ANKRD27: variants seen among roughly 807,000 people sequenced by gnomAD.
ANKRD27 encodes ankyrin repeat domain-containing protein 27.
Under a neutral mutation model 129.7 loss-of-function variants are expected in ANKRD27, and 112 were observed. The observed-to-expected ratio is 0.86, with a 90% CI of 0.74 to 1.01. The LOEUF (loss-of-function observed/expected upper bound fraction) is 1.01. Ranked by LOEUF, ANKRD27 falls within the 50% of genes least tolerant of loss-of-function variation. The pLI, the probability that ANKRD27 is intolerant of heterozygous loss-of-function variation, is 0.00. For synonymous variants in ANKRD27, 516 were observed against 511.2 expected, an observed-to-expected ratio of 1.01 and a Z score of -0.13; for missense variants, 1,258 against 1,300.5, an observed-to-expected ratio of 0.97 and a Z score of 0.50.
chr19:32,617,585 T>C lies in ANKRD27; in HGVS notation c.2052+4A>G, dbSNP rs1175945079. 3 of 755,402 alleles carry C rather than the reference T, an allele frequency of 4.0e-6. No individual in the cohort carries two copies. Among genetic ancestry groups the C allele is most frequent in the Non-Finnish European group, 7.3e-6 (3 of 408,974 alleles). The allele number at this position is 755,402 out of a possible 1,614,324, so 46.8% of individuals were successfully genotyped here. A position where few individuals can be genotyped will look rare whatever the true frequency, so the allele number is the denominator to read the frequency against. ...TAAAATAAAAAGCACTTCTAAAAACTCACCATTTCTAGATCTCCATCAGCA... is the reference window on the plus strand; with the variant it reads ...TAAAATAAAAAGCACTTCTAAAAACCCACCATTTCTAGATCTCCATCAGCA... On this transcript the variant is annotated splice_donor_region_variant and intron_variant, in intron 21 of 28. Transcript: ENST00000306065.
intron 25 of ANKRD27, among the ~76,000 whole-genome samples, chr19:32,602,889 A>G (rs1054925749): frequency 2.6e-5 from 4 of 152,040 alleles, no homozygotes; most frequent in African/African-American, 9.7e-5. Flanking sequence ...ACTCTGTCTC[A>G]AAAAATAATA....
intron 2 of ANKRD27, among the ~76,000 whole-genome samples, chr19:32,652,530 G>A (rs530737573): frequency 6.6e-6 from 1 of 151,396 alleles, no homozygotes. Context: ...AGCCGAGATC[G>A]CACCACTGCA....
intron 17 of ANKRD27, 33 bp downstream of exon 17, chr19:32,625,841 C>A (rs755311930): frequency 6.7e-7 from 1 of 1,501,342 alleles, no homozygotes; most frequent in East Asian, 2.4e-5. Flanking sequence ...AAAGGGTGAA[C>A]GCAGCCCCCC....
Position 32,656,784 on chromosome 19 carries a change from T to C in ANKRD27, c.102+2130A>G, listed in dbSNP as rs571925900. Among the ~76,000 whole-genome samples, 9 of 111,414 alleles carry C rather than the reference T, an allele frequency of 8.1e-5. No individual in the cohort carries two copies. The South Asian group carries it at 2.4e-3, about 30-fold the overall frequency. The allele number at this position is 111,414 out of a possible 152,430, so 73.1% of individuals were successfully genotyped here. A position where few individuals can be genotyped will look rare whatever the true frequency, so the allele number is the denominator to read the frequency against. On this transcript the variant is annotated intron_variant, in intron 2 of 28. Coordinates refer to ENST00000306065, the MANE Select transcript of ANKRD27 (RefSeq NM_032139.3). ...CAGGCTGGGGGACAAAGCAAGACCT[T>C]ATCTCAAAAAAAAAAAAAAAGAGTG...
intron 1 of ANKRD27, among the ~76,000 whole-genome samples, chr19:32,671,082 C>T (rs1967861175): frequency 6.6e-6 from 1 of 150,652 alleles, no homozygotes; most frequent in African/African-American, 2.4e-5. Context: ...GATGATTGAG[C>T]CCAGGAGTTC....
At chr19:32,602,810 C>A (rs145464407) in intron 25 of ANKRD27, among the ~76,000 whole-genome samples, 1 of 151,756 alleles carries the variant, frequency 6.6e-6, no homozygotes, top group Non-Finnish European at 1.5e-5. Context: ...GGATCATCTG[C>A]GCCCAAAGGT....
At chr19:32,643,383 T>C in intron 7 of ANKRD27, 31 bp from the exon 8 acceptor site, 1 of 1,613,882 alleles carries the variant, frequency 6.2e-7, no homozygotes, top group Middle Eastern at 1.6e-4. Flanking sequence ...ATTCAGGGTG[T>C]GAGCGGGCAA....
chr19:32,600,111 A>G, intron 26 of ANKRD27, 61 bp from the exon 27 acceptor site: 2 of 1,204,582 alleles, frequency 1.7e-6, no homozygotes, highest in Admixed American at 3.7e-5. Flanking sequence ...TTATTTTAAA[A>G]TTACAGCACA....
rs143494983 is a variant in ANKRD27, at chr19:32,602,093, G to C, written c.2689C>G (p.Pro897Ala). ...SKIMELLQVV[P>A]SCVASLDDVA... Reference sequence around the variant, plus strand: ...TCATCTAATGAAGCAACACAGCTTGGTACCACCTGAAGCAATTCCATTATT... The same window carrying C: ...TCATCTAATGAAGCAACACAGCTTGCTACCACCTGAAGCAATTCCATTATT... The change falls in exon 26 of 29, where the codon CCA (proline) becomes GCA (alanine). Residue 897 changes from proline to alanine, a missense_variant. Pro to Ala is a conservative substitution (Grantham distance 27). Transcript: ENST00000306065. The C allele has an allele frequency of 1.9e-6, 3 of 1,613,598 alleles. No homozygotes were observed. Among genetic ancestry groups the C allele is most frequent in the Non-Finnish European group, 2.5e-6 (3 of 1,179,718 alleles).
intron 1 of ANKRD27, among the ~76,000 whole-genome samples, chr19:32,660,896 C>CTATATACTAAAGTAAGTTTTAAATATCA (rs1332397067): frequency 0.012 from 1,863 of 151,994 alleles, 50 homozygotes; most frequent in African/African-American, 0.042. Flanking sequence ...CTTTACACAT[C>CTATATACTAAAGTAAGTTTTAAATATCA]TGTATACTAA....
intron 1 of ANKRD27, among the ~76,000 whole-genome samples, chr19:32,667,183 T>C (rs1429509102): frequency 2.0e-5 from 3 of 152,240 alleles, no homozygotes; most frequent in Non-Finnish European, 4.4e-5. Context: ...CGCAGCTCTG[T>C]GCAAGGGCAC....
chr19:32,649,615 C>G (rs1460844299), intron 3 of ANKRD27, 67 bp downstream of exon 3: 21 of 1,088,558 alleles, frequency 1.9e-5, no homozygotes, highest in South Asian at 1.9e-4. Context: ...GAACGGGACT[C>G]TCTTCCTCCC....
intron 2 of ANKRD27, among the ~76,000 whole-genome samples, chr19:32,656,629 A>G (rs1302397000): frequency 6.6e-6 from 1 of 152,134 alleles, no homozygotes; most frequent in Non-Finnish European, 1.5e-5. Flanking sequence ...TCTACAAAAA[A>G]TAAAAACCAG....
chr19:32,622,571 T>C lies in ANKRD27; in HGVS notation c.1678A>G (p.Ile560Val), dbSNP rs374524142. ...YYDVESCRLD[I>V]GNEKGDTPLH... ...GGGGTGTCTCCTTTCTCATTGCCAATGTCAAGTCTGCACGACTCCACGTCG... is the reference window on the plus strand; with the variant it reads ...GGGGTGTCTCCTTTCTCATTGCCAACGTCAAGTCTGCACGACTCCACGTCG... The change falls in exon 18 of 29, where the codon ATT (isoleucine) becomes GTT (valine). Residue 560 changes from isoleucine to valine, a missense_variant. Coordinates refer to ENST00000306065, the MANE Select transcript of ANKRD27 (RefSeq NM_032139.3). 1.2e-5 allele frequency: 19 copies of C among 1,613,876 alleles called. No individual in the cohort carries two copies. The highest frequency in any genetic ancestry group is 9.4e-5 in the African/African-American group (7 of 74,864).
At chr19:32,651,817 T>C (rs1466500030) in intron 2 of ANKRD27, among the ~76,000 whole-genome samples, 1 of 152,184 alleles carries the variant, frequency 6.6e-6, no homozygotes, top group African/African-American at 2.4e-5. Flanking sequence ...TCAAGCACAC[T>C]GCTGGACACG....
intron 28 of ANKRD27, among the ~76,000 whole-genome samples, chr19:32,599,424 A>G (rs1268947382): frequency 1.3e-5 from 2 of 152,252 alleles, no homozygotes; most frequent in Non-Finnish European, 2.9e-5. Context: ...CCATAGTGAA[A>G]TGTGGGATGT....
chr19:32,633,480 G>A (rs1160606039), intron 12 of ANKRD27, among the ~76,000 whole-genome samples: 2 of 151,528 alleles, frequency 1.3e-5, no homozygotes, highest in Non-Finnish European at 2.9e-5. Context: ...CTAAAGGTGT[G>A]CCACCGTGCA....
At chr19:32,624,751 G>A (rs1379234733) in intron 17 of ANKRD27, among the ~76,000 whole-genome samples, 1 of 151,976 alleles carries the variant, frequency 6.6e-6, no homozygotes, top group East Asian at 1.9e-4. Context: ...GACCAGCCTG[G>A]GCAACATGGC....
At chr19:32,650,150 C>A (rs1967385585) in intron 2 of ANKRD27, among the ~76,000 whole-genome samples, 1 of 152,148 alleles carries the variant, frequency 6.6e-6, no homozygotes, top group South Asian at 2.1e-4. Context: ...TTCTTAACAG[C>A]ACAGTTATAA....
Sources: allele counts gnomAD v4.1 joint callset (sites outside exome capture counted in the v4.1 genomes callset), GRCh38; gene constraint gnomAD v4.1.1; transcripts MANE v1.5; gene names NCBI Gene and HGNC (gene_info 2026-07-23, HGNC 2026-07-21).